The following GBE1 variants were observed in gnomAD, a reference collection of about 807,000 sequenced individuals.
The protein encoded by GBE1 is 1,4-alpha-glucan branching enzyme 1.
Under a neutral mutation model 88.8 loss-of-function variants are expected in GBE1, and 70 were observed. That is an observed-to-expected ratio of 0.79 (90% confidence interval 0.65 to 0.96). GBE1 has a LOEUF of 0.96. Ranked by LOEUF, GBE1 falls within the 40% of genes least tolerant of loss-of-function variation. GBE1 has a pLI of 0.00. For synonymous variants in GBE1, 284 were observed against 300.1 expected (o/e 0.95, Z 0.56); for missense variants, 872 against 871.0 (o/e 1.00, Z -0.01).
intron 14 of GBE1, among the ~76,000 whole-genome samples, chr3:81,519,608 T>C (rs986537990): frequency 6.6e-6 from 1 of 151,332 alleles, no homozygotes; most frequent in African/African-American, 2.4e-5. Context: ...TTCTATTGTA[T>C]ATCATGTATT....
intron 3 of GBE1, among the ~76,000 whole-genome samples, chr3:81,662,793 G>T: frequency 6.6e-6 from 1 of 151,900 alleles, no homozygotes; most frequent in South Asian, 2.1e-4. Flanking sequence ...TGGCTCTTTA[G>T]TCAGTCAAAC....
chr3:81,722,896 G>GTGTATATATATATATATA (rs756121951), intron 1 of GBE1, among the ~76,000 whole-genome samples: 2 of 135,318 alleles, frequency 1.5e-5, no homozygotes, highest in East Asian at 4.7e-4. Context: ...GTGTGTGTGT[G>GTGTATATATATATATATA]TATATATATA....
rs1385340678 is a variant in GBE1 at position 81,547,969 on chromosome 3, T to C, written c.1619-10874A>G. On this transcript the variant is annotated intron_variant, in intron 12 of 15. Coordinates refer to ENST00000429644, the MANE Select transcript of GBE1 (RefSeq NM_000158.4). ...GAAGTTCTCCTCTTCTCTTGTTCTA[T>C]ATCCTTGGGAGATGACCTTTTAACC... 1.3e-5 allele frequency among the ~76,000 whole-genome samples: 2 copies of C among 151,468 alleles called. 1 individual carries two copies. Among genetic ancestry groups the C allele is most frequent in the Non-Finnish European group, 3.0e-5 (2 of 67,614 alleles).
At chr3:81,562,059 T>C (rs1349356044) in intron 12 of GBE1, among the ~76,000 whole-genome samples, 1 of 152,140 alleles carries the variant, frequency 6.6e-6, no homozygotes, top group Non-Finnish European at 1.5e-5. Flanking sequence ...CACACTCGCA[T>C]CTGTCTTGCT....
intron 1 of GBE1, among the ~76,000 whole-genome samples, chr3:81,727,836 A>G (rs1283195351): frequency 1.3e-5 from 2 of 152,220 alleles, no homozygotes; most frequent in African/African-American, 2.4e-5. Context: ...TTGGTTTCTC[A>G]TAATTCCAGC....
At chr3:81,600,380 A>C (rs1019903564) in intron 7 of GBE1, among the ~76,000 whole-genome samples, 1 of 152,172 alleles carries the variant, frequency 6.6e-6, no homozygotes, top group South Asian at 2.1e-4. Flanking sequence ...ATTTATAATT[A>C]TGTGTATGTA....
intron 3 of GBE1, among the ~76,000 whole-genome samples, chr3:81,657,392 AT>A (rs35955694): frequency 0.29 from 44,333 of 151,282 alleles, 6,529 homozygotes; most frequent in East Asian, 0.43. Flanking sequence ...CAAAAAAAAA[AT>A]ATCTATTGAA....
chr3:81,645,882 C>T (rs1411108645), intron 6 of GBE1, among the ~76,000 whole-genome samples: 2 of 152,160 alleles, frequency 1.3e-5, no homozygotes, highest in African/African-American at 2.4e-5. Context: ...TGGACTTCTT[C>T]GGTCTGTGGT....
intron 2 of GBE1, among the ~76,000 whole-genome samples, chr3:81,681,110 A>G (rs1295473890): frequency 6.6e-6 from 1 of 152,238 alleles, no homozygotes; most frequent in Non-Finnish European, 1.5e-5. Flanking sequence ...AAAGTGAGAC[A>G]TTATTTGCTT....
At chr3:81,505,917 A>C (rs1702646982) in intron 14 of GBE1, among the ~76,000 whole-genome samples, 1 of 152,132 alleles carries the variant, frequency 6.6e-6, no homozygotes, top group Non-Finnish European at 1.5e-5. Context: ...CCATATACAA[A>C]AATTAACTCA....
intron 7 of GBE1, among the ~76,000 whole-genome samples, chr3:81,602,624 C>T (rs1391731016): frequency 6.6e-6 from 1 of 152,032 alleles, no homozygotes; most frequent in African/African-American, 2.4e-5. Flanking sequence ...GAGCGTGGAG[C>T]CCTCCCAAAG....
chr3:81,731,034 AC>A (rs1706178198), intron 1 of GBE1, among the ~76,000 whole-genome samples: 1 of 152,104 alleles, frequency 6.6e-6, no homozygotes, highest in Non-Finnish European at 1.5e-5. Flanking sequence ...CAAACTTTTA[AC>A]CCTGAAAAAA....
intron 7 of GBE1, among the ~76,000 whole-genome samples, chr3:81,608,138 T>C (rs1174186239): frequency 6.6e-6 from 1 of 152,190 alleles, no homozygotes; most frequent in East Asian, 1.9e-4. Context: ...TCACTATTCA[T>C]ATAACTATCA....
chr3:81,713,401 C>T (rs2107179670), intron 1 of GBE1, among the ~76,000 whole-genome samples: 2 of 152,054 alleles, frequency 1.3e-5, no homozygotes, highest in Middle Eastern at 3.4e-3. Flanking sequence ...TTCCAGTGGC[C>T]AATTGGGATG....
chr3:81,601,571 G>C (rs1704032740), intron 7 of GBE1, among the ~76,000 whole-genome samples: 1 of 152,066 alleles, frequency 6.6e-6, no homozygotes, highest in African/African-American at 2.4e-5. Flanking sequence ...CTCCTGAATG[G>C]GGATTAAATG....
intron 7 of GBE1, among the ~76,000 whole-genome samples, chr3:81,633,957 G>A (rs142901028): frequency 6.6e-6 from 1 of 152,136 alleles, no homozygotes; most frequent in Non-Finnish European, 1.5e-5. Flanking sequence ...AACATAGGGA[G>A]GTTTCATATA....
At chr3:81,570,869 C>G (rs763515364) in intron 12 of GBE1, among the ~76,000 whole-genome samples, 11 of 152,160 alleles carry the variant, frequency 7.2e-5, no homozygotes, top group Non-Finnish European at 1.5e-4. Context: ...ATAATTATAT[C>G]TGTAAATGTG....
intron 8 of GBE1, among the ~76,000 whole-genome samples, chr3:81,593,247 C>A (rs1397340345): frequency 6.6e-6 from 1 of 151,706 alleles, no homozygotes; most frequent in African/African-American, 2.4e-5. Flanking sequence ...CACCTGTAAT[C>A]CCAGCTACTC....
chr3:81,655,200 G>C (rs1337457436), intron 3 of GBE1, among the ~76,000 whole-genome samples: 2 of 152,052 alleles, frequency 1.3e-5, no homozygotes, highest in Non-Finnish European at 2.9e-5. Context: ...GAGACACACA[G>C]ACAGGTCTGG....
Sources: gnomAD v4.1 joint callset for allele counts (sites outside exome capture counted in the v4.1 genomes callset) on GRCh38, gnomAD v4.1.1 for gene constraint, MANE v1.5 for transcripts, NCBI Gene and HGNC (gene_info 2026-07-23, HGNC 2026-07-21) for gene names.